CFAP206: variants seen among roughly 807,000 people sequenced by gnomAD.
The protein encoded by CFAP206 is cilia- and flagella-associated protein 206.
A neutral mutation model predicts 65.4 loss-of-function variants in CFAP206; 53 were observed. The ratio of observed to expected loss-of-function variants is 0.81; its 90% CI spans 0.65 to 1.02. The LOEUF (loss-of-function observed/expected upper bound fraction) is 1.02, where lower values mean the gene tolerates loss of function less well. Among genes scored for constraint, CFAP206 ranks in the 50% least tolerant of loss-of-function variants. The pLI is 0.00. For missense variants in CFAP206, 663 were observed against 753.2 expected, an observed-to-expected ratio of 0.88 and a Z score of 1.40; for synonymous variants, 250 against 254.4, an observed-to-expected ratio of 0.98 and a Z score of 0.17.
chr6:87,426,404 A>G, intron 7 of CFAP206, 122 bp from the exon 8 acceptor site: 1 of 624,206 alleles, frequency 1.6e-6, no homozygotes, highest in Non-Finnish European at 2.5e-6. Context: ...TGCGGAGAAC[A>G]GACTTCCTGC....
chr6:87,439,458 T>A (rs6914299), intron 11 of CFAP206, among the ~76,000 whole-genome samples: 10 of 151,896 alleles, frequency 6.6e-5, no homozygotes, highest in African/African-American at 9.6e-5. Context: ...TGTATTTTGC[T>A]TATGAATTCT....
At chr6:87,462,526 AGTACCTCCTTGTAAGTG>A (rs571474311) in intron 12 of CFAP206, among the ~76,000 whole-genome samples, 1 of 152,228 alleles carries the variant, frequency 6.6e-6, no homozygotes, top group African/African-American at 2.4e-5. Context: ...AAAATATTTC[AGTACCTCCTTGTAAGTG>A]GTACCTCCTT....
In CFAP206 at chr6:87,421,071, T is replaced by C. The variant is rs76878708; in HGVS notation, c.840+2655T>C. ...AAAATTAGCCAAGATTTTTCCTATA[T>C]TAAAATCTATGAATATTCGTTTTAA... On this transcript the variant is annotated intron_variant, in intron 7 of 12. Coordinates refer to ENST00000369562, the MANE Select transcript of CFAP206 (RefSeq NM_001031743.3). Among the ~76,000 whole-genome samples, 5 of 152,372 alleles carry C rather than the reference T, an allele frequency of 3.3e-5. No individual in the cohort carries two copies. The East Asian group carries it at 9.6e-4, about 29-fold the overall frequency.
At position 87,433,367 on chromosome 6, in the gene CFAP206, T is replaced by A. The variant is rs373528583; in HGVS notation, c.1301-1493T>A. Among the ~76,000 whole-genome samples, 64 of 152,320 alleles carry A rather than the reference T, an allele frequency of 4.2e-4. 2 individuals are homozygous for A. The highest frequency in any genetic ancestry group is 1.4e-3 in the African/African-American group (59 of 41,554). On this transcript the variant is annotated intron_variant, in intron 10 of 12. Coordinates refer to ENST00000369562, the MANE Select transcript of CFAP206 (RefSeq NM_001031743.3). ...ACATGGTCAATAACTATTTGTTGGA[T>A]AAATGAAAGAATAAATGAGTAAGAC...
rs150062349 is a variant in CFAP206, at chr6:87,409,882, C to A, written c.43C>A (p.Arg15=). 4 of 1,612,916 alleles carry A rather than the reference C, an allele frequency of 2.5e-6. No individual in the cohort carries two copies. The South Asian group carries it at 4.4e-5, about 18-fold the overall frequency. ...QAESVIRSII[R]EIGQECAAHG... is the part of the protein sequence containing the mutation. Reference sequence around the variant, plus strand: ...CGAAAGTGTTATAAGGAGTATTATACGAGAAATAGGACAAGAATGTGCAGC... The same window carrying A: ...CGAAAGTGTTATAAGGAGTATTATAAGAGAAATAGGACAAGAATGTGCAGC... The change falls in exon 2 of 13, where the codon CGA becomes AGA. Residue 15 remains arginine, a synonymous_variant. Transcript: ENST00000369562.
intron 11 of CFAP206, among the ~76,000 whole-genome samples, chr6:87,446,089 A>C (rs1768436831): frequency 6.6e-6 from 1 of 152,132 alleles, no homozygotes. Context: ...TTCCTTATAG[A>C]TTCTAGATAT....
chr6:87,455,434 C>G (rs549190574), intron 11 of CFAP206, among the ~76,000 whole-genome samples: 31 of 151,844 alleles, frequency 2.0e-4, no homozygotes, highest in African/African-American at 7.2e-4. Flanking sequence ...AAGCATGCAT[C>G]TTAAAAAACT....
intron 11 of CFAP206, among the ~76,000 whole-genome samples, chr6:87,457,232 T>C (rs1430389792): frequency 6.6e-6 from 1 of 150,704 alleles, no homozygotes; most frequent in Non-Finnish European, 1.5e-5. Context: ...ATTGTTAAAA[T>C]GTTCATACTA....
chr6:87,422,763 AC>A (rs1445826164), intron 7 of CFAP206, among the ~76,000 whole-genome samples: 12 of 151,272 alleles, frequency 7.9e-5, no homozygotes, highest in African/African-American at 1.7e-4. Context: ...AAAAAAAAAA[AC>A]AAAACAAACA....
In CFAP206 at chr6:87,409,965, T is replaced by C. The variant is rs1430503335; in HGVS notation, c.108+18T>C. 6.5e-7 allele frequency: 1 copy of C among 1,537,252 alleles called. No homozygotes were observed. On this transcript the variant is annotated intron_variant, in intron 2 of 12. Transcript: ENST00000369562. ...CTTTTATGGTAAGAAGAAATATTTT[T>C]GTGATTACTGTTTTATTAAGAGGTT... is the stretch of plus-strand genomic sequence containing the variant.
intron 11 of CFAP206, chr6:87,435,901 A>T (rs1457250742): frequency 6.6e-6 from 1 of 151,870 alleles, no homozygotes; most frequent in Non-Finnish European, 1.5e-5. Flanking sequence ...TGTGGCTTCA[A>T]GTTATCCTCC....
intron 11 of CFAP206, among the ~76,000 whole-genome samples, chr6:87,449,938 C>G (rs547573370): frequency 3.9e-5 from 6 of 152,174 alleles, no homozygotes; most frequent in African/African-American, 1.4e-4. Flanking sequence ...TAGTTTCTTC[C>G]AGTAGTTTCA....
intron 11 of CFAP206, among the ~76,000 whole-genome samples, chr6:87,459,168 T>C (rs563251693): frequency 6.1e-4 from 93 of 152,146 alleles, no homozygotes; most frequent in African/African-American, 2.2e-3. Context: ...CTTTGAAAAA[T>C]TATGAGGGGA....
At chr6:87,440,383 T>C (rs1172235447) in intron 11 of CFAP206, among the ~76,000 whole-genome samples, 1 of 152,132 alleles carries the variant, frequency 6.6e-6, no homozygotes, top group Non-Finnish European at 1.5e-5. Context: ...ATTTAGAGTC[T>C]GTTAGTTTTT....
intron 11 of CFAP206, among the ~76,000 whole-genome samples, chr6:87,437,509 G>T (rs1768291598): frequency 6.6e-6 from 1 of 151,848 alleles, no homozygotes; most frequent in Non-Finnish European, 1.5e-5. Context: ...TGTTAACTTT[G>T]TAAGTTGAAT....
intron 11 of CFAP206, among the ~76,000 whole-genome samples, chr6:87,458,268 T>TA (rs1768683965): frequency 1.3e-5 from 2 of 151,984 alleles, no homozygotes; most frequent in Non-Finnish European, 2.9e-5. Flanking sequence ...TAGAAGTTCC[T>TA]AAAAAAACTA....
At chr6:87,451,006 C>A (rs1398746635) in intron 11 of CFAP206, among the ~76,000 whole-genome samples, 1 of 152,172 alleles carries the variant, frequency 6.6e-6, no homozygotes, top group Non-Finnish European at 1.5e-5. Flanking sequence ...TTAGACCAGC[C>A]CTAGCCAGAA....
intron 11 of CFAP206, among the ~76,000 whole-genome samples, chr6:87,439,357 A>G (rs1305005669): frequency 3.3e-5 from 5 of 152,106 alleles, no homozygotes; most frequent in African/African-American, 9.7e-5. Context: ...CCTAAATAAT[A>G]TATTTCTGTG....
chr6:87,434,677 TA>T (rs1768222443), intron 10 of CFAP206, among the ~76,000 whole-genome samples, 182 bp from the exon 11 acceptor site: 1 of 152,020 alleles, frequency 6.6e-6, no homozygotes, highest in Admixed American at 6.6e-5. Context: ...TTAGTATTTT[TA>T]GTAGAGACGG....
Sources: gnomAD v4.1 joint callset for allele counts (sites outside exome capture counted in the v4.1 genomes callset) on GRCh38, gnomAD v4.1.1 for gene constraint, MANE v1.5 for transcripts, NCBI Gene and HGNC (gene_info 2026-07-23, HGNC 2026-07-21) for gene names.